Variants in SCO1 observed in about 807,000 individuals in gnomAD.
The protein encoded by SCO1 is cytochrome c oxidase assembly factor SCO1.
SCO1 carries 23 observed loss-of-function variants against 34.0 expected under a neutral mutation model. That is an observed-to-expected ratio of 0.68 (90% CI 0.49 to 0.96). The LOEUF (loss-of-function observed/expected upper bound fraction) is 0.96, where lower values mean the gene tolerates loss of function less well. Ranked by LOEUF, SCO1 falls within the 40% of genes least tolerant of loss-of-function variation. The probability of loss-of-function intolerance (pLI) is 0.00; values close to 1 mark genes in which losing one functional copy is unlikely to be tolerated. For missense variants in SCO1, 404 were observed against 381.6 expected (o/e 1.06, Z -0.49); for synonymous variants, 161 against 145.5 (o/e 1.11, Z -0.77).
At chr17:10,690,035 C>A (rs927058510) in intron 4 of SCO1, among the ~76,000 whole-genome samples, 14 of 151,998 alleles carry the variant, frequency 9.2e-5, no homozygotes, top group Non-Finnish European at 1.9e-4. Flanking sequence ...TTATCATATA[C>A]AAAAATCAAA....
chr17:10,692,891 A>G lies in SCO1; in HGVS notation c.435T>C (p.His145=). 1.2e-6 allele frequency: 2 copies of G among 1,614,136 alleles called. No individual in the cohort carries two copies. The highest frequency in any genetic ancestry group is 1.7e-6 in the Non-Finnish European group (2 of 1,180,008). Residue 145 remains histidine, a synonymous_variant, in exon 3 of 6, where the codon CAT becomes CAC. Transcript: ENST00000255390. ...CCTTGTCAGTTTTACGCTCCCCAGT[A>G]TGAGTTGTGAGGGAAAACGGTCCCC... ...LLGGPFSLTT[H]TGERKTDKDY...
chr17:10,697,269 C>T lies in SCO1; in HGVS notation c.239G>A (p.Gly80Asp), dbSNP rs1263778860. 1 of 1,566,976 alleles carries T rather than the reference C, an allele frequency of 6.4e-7. No homozygotes were observed. The highest frequency in any genetic ancestry group is 2.3e-5 in the East Asian group (1 of 42,686). ...CGAGGGGCGCGTGGAGTCTCCGGGG[C>T]CCTTCTGCGACCACGGGGGTGGCGG... Reference protein sequence around the residue: ...ARPPPPWSQKGPGDSTRPSKP... With the variant: ...ARPPPPWSQKDPGDSTRPSKP... The change falls in exon 1 of 6, where the codon GGC becomes GAC. Residue 80 changes from glycine (G) to aspartate (D), a missense_variant. Coordinates refer to ENST00000255390, the MANE Select transcript of SCO1 (RefSeq NM_004589.4).
chr17:10,690,031 T>C (rs1597508679), intron 4 of SCO1, among the ~76,000 whole-genome samples: 1 of 152,166 alleles, frequency 6.6e-6, no homozygotes, highest in African/African-American at 2.4e-5. Flanking sequence ...ATTTTTATCA[T>C]ATACAAAAAT....
chr17:10,692,896 T>C lies in SCO1; in HGVS notation c.430A>G (p.Thr144Ala), dbSNP rs368098002. The change falls in exon 3 of 6, where the codon ACT becomes GCT. Residue 144 changes from threonine (T) to alanine (A), a missense_variant. Physicochemically the swap from Thr to Ala is moderately conservative, Grantham distance 58 (BLOSUM62 0). Transcript: ENST00000255390. Reference protein sequence around the residue: ...PLLGGPFSLTTHTGERKTDKD... With the variant: ...PLLGGPFSLTAHTGERKTDKD... ...TCAGTTTTACGCTCCCCAGTATGAG[T>C]TGTGAGGGAAAACGGTCCCCCAAGT... 103 of 1,614,066 alleles carry C rather than the reference T, an allele frequency of 6.4e-5. No homozygotes were observed. Among genetic ancestry groups the C allele is most frequent in the South Asian group, 5.5e-4 (50 of 91,076 alleles).
rs761978424 is a variant in SCO1 at position 10,687,456 on chromosome 17, GT to G, written c.656-615del. On this transcript the variant is annotated intron_variant, in intron 4 of 5. Transcript: ENST00000255390. ...AATTCATGTAAGTGAACCGGTAGAG[GT>G]CACTTAAAACAACTGGATTCATCAA... 4.5e-4 allele frequency among the ~76,000 whole-genome samples: 69 copies of G among 152,284 alleles called. No individual in the cohort carries two copies. In the Middle Eastern group the frequency reaches 0.014, roughly 30 times the overall value.
In SCO1 at chr17:10,680,977, C is replaced by T. The variant is rs553141988; in HGVS notation, c.*142G>A. On this transcript the variant is annotated 3_prime_UTR_variant, in exon 6 of 6. Transcript: ENST00000255390. ...TGGTTGAACGCAAGGGTAACATCCC[C>T]ATCCAAAACAGAAATGTTCTCATGG... The T allele has an allele frequency of 5.9e-6, 6 of 1,015,010 alleles. No individual in the cohort carries two copies. Among genetic ancestry groups the T allele is most frequent in the Admixed American group, 1.8e-5 (1 of 55,374 alleles). 62.9% of individuals were successfully genotyped at this position (1,015,010 alleles called of 1,614,324 possible).
intron 2 of SCO1, among the ~76,000 whole-genome samples, chr17:10,694,858 A>G (rs2074712211): frequency 6.6e-6 from 1 of 152,176 alleles, no homozygotes; most frequent in Admixed American, 6.5e-5. Context: ...AGTCTCATAT[A>G]TATGTATGTC....
chr17:10,676,439 T>A lies in SCO1; in HGVS notation c.*4680A>T, dbSNP rs1398063824. The A allele has an allele frequency of 1.3e-5, 2 of 152,152 alleles. No individual in the cohort carries two copies. The highest frequency in any genetic ancestry group is 2.9e-5 in the Non-Finnish European group (2 of 68,034). 9.4% of individuals were successfully genotyped at this position (152,152 alleles called of 1,614,324 possible). ...AAAGTTGGTCTCTTTCAGAGGCACA[T>A]GCTGGGAATGGGCTGGGGTGGCAGT... is the stretch of plus-strand genomic sequence containing the variant. On this transcript the variant is annotated 3_prime_UTR_variant, in exon 6 of 6. Transcript: ENST00000255390.
Position 10,675,813 on chromosome 17 carries a change from T to C in SCO1, c.*5306A>G, listed in dbSNP as rs936609227. On this transcript the variant is annotated 3_prime_UTR_variant, in exon 6 of 6. Coordinates refer to ENST00000255390, the MANE Select transcript of SCO1 (RefSeq NM_004589.4). ...GTCCAACCTGAATAACGCCACCCTA[T>C]GTTTAAGAATGGGAAGAGAGGCTTG... 1 of 152,166 alleles carries C rather than the reference T, an allele frequency of 6.6e-6. No individual in the cohort carries two copies. The highest frequency in any genetic ancestry group is 1.5e-5 in the Non-Finnish European group (1 of 68,036). 9.4% of individuals were successfully genotyped at this position (152,166 alleles called of 1,614,324 possible).
rs968717932 is a variant in SCO1 at position 10,697,347 on chromosome 17, G to GCACGC, written c.156_160dup (p.Ala54GlyfsTer47). The GCACGC allele has an allele frequency of 3.2e-6, 5 of 1,579,970 alleles. No homozygotes were observed. The highest frequency in any genetic ancestry group is 4.3e-6 in the Non-Finnish European group (5 of 1,163,684). ...CAGGCAATAGCCAGGGCGCCCCGAG[G>GCACGC]CACGCCACGCCTCCGCTTGCCGCGC... On this transcript the variant is annotated frameshift_variant, in exon 1 of 6. Coordinates refer to ENST00000255390, the MANE Select transcript of SCO1 (RefSeq NM_004589.4). LOFTEE classifies it high-confidence loss of function.
At chr17:10,687,668 ACATT>A (rs1172259947) in intron 4 of SCO1, among the ~76,000 whole-genome samples, 6 of 152,246 alleles carry the variant, frequency 3.9e-5, no homozygotes, top group South Asian at 2.1e-4. Flanking sequence ...AGTTAGCTGC[ACATT>A]CAAACTTTTT....
chr17:10,693,625 C>T (rs537688549), intron 2 of SCO1, among the ~76,000 whole-genome samples: 1 of 152,256 alleles, frequency 6.6e-6, no homozygotes, highest in South Asian at 2.1e-4. Flanking sequence ...AGACACACTC[C>T]AAGAACCATG....
At chr17:10,689,413 G>A (rs113961700) in intron 4 of SCO1, among the ~76,000 whole-genome samples, 1 of 149,094 alleles carries the variant, frequency 6.7e-6, no homozygotes, top group African/African-American at 2.6e-5. Flanking sequence ...ATTTGAATGT[G>A]TCATATAATA....
At chr17:10,689,021 CAGGAGAATGGCGT>C in intron 4 of SCO1, among the ~76,000 whole-genome samples, 1 of 140,954 alleles carries the variant, frequency 7.1e-6, no homozygotes, top group Non-Finnish European at 1.5e-5. Context: ...GAGGCTGAGG[CAGGAGAATGGCGT>C]GAACCCGGGA....
chr17:10,686,699 A>G (rs753218335), intron 5 of SCO1, 28 bp downstream of exon 5: 4 of 1,390,682 alleles, frequency 2.9e-6, no homozygotes, highest in South Asian at 1.2e-5. Context: ...GAGCTGGTCC[A>G]TGGGTTAAAA....
chr17:10,695,241 C>T (rs2074714197), intron 2 of SCO1, among the ~76,000 whole-genome samples: 1 of 152,148 alleles, frequency 6.6e-6, no homozygotes, highest in African/African-American at 2.4e-5. Context: ...CTTTTGCTCT[C>T]ACAACATGGT....
Position 10,678,939 on chromosome 17 carries a change from TCTCA to T in SCO1, c.*2176_*2179del, listed in dbSNP as rs1243240166. On this transcript the variant is annotated 3_prime_UTR_variant, in exon 6 of 6. Transcript: ENST00000255390. ...TTTTCTCTCTGGCTTCTCATGGTCG[TCTCA>T]CTGTGTCTCCTATTCTTTTTGAGAC... is the stretch of plus-strand genomic sequence containing the variant. 1 of 151,624 alleles carries T rather than the reference TCTCA, an allele frequency of 6.6e-6. No individual in the cohort carries two copies. Among genetic ancestry groups the T allele is most frequent in the Non-Finnish European group, 1.5e-5 (1 of 67,940 alleles). The allele number at this position is 151,624 out of a possible 1,614,324, so 9.4% of individuals were successfully genotyped here.
At chr17:10,682,054 TC>T (rs1349829851) in intron 5 of SCO1, among the ~76,000 whole-genome samples, 3 of 152,166 alleles carry the variant, frequency 2.0e-5, no homozygotes, top group Non-Finnish European at 4.4e-5. Context: ...CCCAGCAAAG[TC>T]CTAAAATGGT....
intron 1 of SCO1, among the ~76,000 whole-genome samples, chr17:10,696,396 G>A (rs955774945): frequency 6.6e-6 from 1 of 152,130 alleles, no homozygotes; most frequent in Non-Finnish European, 1.5e-5. Context: ...AGTGGGCCGA[G>A]ATAGGGCCAC....
Sources: allele counts gnomAD v4.1 joint callset (sites outside exome capture counted in the v4.1 genomes callset), GRCh38; gene constraint gnomAD v4.1.1; transcripts MANE v1.5; gene names NCBI Gene and HGNC (gene_info 2026-07-23, HGNC 2026-07-21).